Variants in SHANK2 observed in about 807,000 individuals in gnomAD.
SHANK2 encodes the protein SH3 and multiple ankyrin repeat domains protein 2.
SHANK2 carries 43 observed loss-of-function variants against 133.7 expected under a neutral mutation model. That is an observed-to-expected ratio of 0.32 (90% CI 0.25 to 0.41). SHANK2 has a LOEUF of 0.41. Among genes scored for constraint, SHANK2 ranks in the 10% least tolerant of loss-of-function variants. SHANK2 has a pLI of 1.00. For missense variants in SHANK2, 1,994 were observed against 2,235.8 expected, an observed-to-expected ratio of 0.89 and a Z score of 2.18; for synonymous variants, 1,017 against 952.8, an observed-to-expected ratio of 1.07 and a Z score of -1.24.
At chr11:70,745,273 G>A (rs2134843287) in intron 14 of SHANK2, among the ~76,000 whole-genome samples, 1 of 152,308 alleles carries the variant, frequency 6.6e-6, no homozygotes, top group African/African-American at 2.4e-5. Flanking sequence ...GTAAGTAGCA[G>A]GGCCTGGCTG....
chr11:71,103,690 G>A (rs2135178552), intron 6 of SHANK2, among the ~76,000 whole-genome samples: 1 of 152,236 alleles, frequency 6.6e-6, no homozygotes, highest in African/African-American at 2.4e-5. Context: ...TTGGAGGTGG[G>A]GCCTGGTGGG....
intron 10 of SHANK2, among the ~76,000 whole-genome samples, chr11:70,937,932 G>A (rs1468695321): frequency 1.3e-5 from 2 of 152,044 alleles, no homozygotes; most frequent in African/African-American, 4.8e-5. Context: ...TGTGTGTGTG[G>A]ATGCCTGTGT....
At chr11:71,152,086 G>A (rs1411647171) in intron 2 of SHANK2, among the ~76,000 whole-genome samples, 1 of 150,122 alleles carries the variant, frequency 6.7e-6, no homozygotes, top group Non-Finnish European at 1.5e-5. Flanking sequence ...CAAAAAAAAC[G>A]TGAAATTTAT....
In SHANK2 at chr11:70,492,179, C is replaced by T. The variant is rs34373882; in HGVS notation, c.2439+156G>A. Among the ~76,000 whole-genome samples the T allele has an allele frequency of 0.26, 39,104 of 152,160 alleles. 5,277 individuals carry two copies. The highest frequency in any genetic ancestry group is 0.33 in the African/African-American group (13,677 of 41,506). ...CCACCACTGTGAGTCTGCACAGACC[C>T]GGCTCTTTGTCCTGTGGCCACTTAG... On this transcript the variant is annotated intron_variant, in intron 22 of 25. Transcript: ENST00000601538.
intron 17 of SHANK2, among the ~76,000 whole-genome samples, chr11:70,592,572 C>T (rs990540803): frequency 4.6e-5 from 7 of 150,868 alleles, no homozygotes; most frequent in Non-Finnish European, 8.9e-5. Flanking sequence ...CTGCCCAAGG[C>T]GGGTCTTGGG....
chr11:71,092,762 C>T (rs947250967), intron 7 of SHANK2, among the ~76,000 whole-genome samples, 173 bp from the exon 8 acceptor site: 1 of 152,108 alleles, frequency 6.6e-6, no homozygotes, highest in Non-Finnish European at 1.5e-5. Flanking sequence ...ATAACCTGGC[C>T]GGGTGTGGTG....
At chr11:70,527,612 C>T (rs113888364) in intron 17 of SHANK2, among the ~76,000 whole-genome samples, 1 of 152,220 alleles carries the variant, frequency 6.6e-6, no homozygotes, top group Non-Finnish European at 1.5e-5. Flanking sequence ...AGAGGCGCCT[C>T]CTCCCTGGAG....
intron 17 of SHANK2, among the ~76,000 whole-genome samples, chr11:70,600,248 G>C (rs1320848370): frequency 6.6e-6 from 1 of 151,738 alleles, no homozygotes; most frequent in African/African-American, 2.4e-5. Context: ...GCGAAACCCT[G>C]TCTCTACTAA....
At chr11:70,704,153 A>G (rs1383963449) in intron 14 of SHANK2, among the ~76,000 whole-genome samples, 2 of 152,250 alleles carry the variant, frequency 1.3e-5, no homozygotes, top group African/African-American at 4.8e-5. Context: ...AGAGACAGAG[A>G]GACCCAGAGA....
At chr11:70,827,193 T>C (rs552999204) in intron 11 of SHANK2, among the ~76,000 whole-genome samples, 1 of 151,394 alleles carries the variant, frequency 6.6e-6, no homozygotes, top group South Asian at 2.1e-4. Flanking sequence ...CAAGTGCCCA[T>C]GACTTCTCTG....
At chr11:70,881,784 C>T (rs1374328728) in intron 11 of SHANK2, among the ~76,000 whole-genome samples, 1 of 151,228 alleles carries the variant, frequency 6.6e-6, no homozygotes, top group East Asian at 1.9e-4. Context: ...GGCTACAGTG[C>T]CGTGGCCCCA....
chr11:70,632,439 G>A (rs1197052534), intron 17 of SHANK2, among the ~76,000 whole-genome samples: 1 of 152,010 alleles, frequency 6.6e-6, no homozygotes, highest in South Asian at 2.1e-4. Context: ...GTTCCATCAC[G>A]GGCCCCGAAC....
At chr11:70,744,176 C>A (rs192697612) in intron 14 of SHANK2, among the ~76,000 whole-genome samples, 1 of 152,248 alleles carries the variant, frequency 6.6e-6, no homozygotes, top group Admixed American at 6.5e-5. Context: ...GCCACATTCA[C>A]GCACCTGGCA....
intron 17 of SHANK2, among the ~76,000 whole-genome samples, chr11:70,513,731 C>G (rs1343421209): frequency 3.3e-5 from 5 of 152,300 alleles, no homozygotes; most frequent in African/African-American, 1.2e-4. Flanking sequence ...GTTAGAAATG[C>G]ATCAGCTGGG....
chr11:70,955,569 G>C (rs1052637521), intron 10 of SHANK2, among the ~76,000 whole-genome samples: 32 of 152,158 alleles, frequency 2.1e-4, no homozygotes, highest in Admixed American at 2.0e-3. Context: ...GTGTACACAT[G>C]CAAAGAGATT....
chr11:70,785,422 C>A (rs1947627363), intron 14 of SHANK2, among the ~76,000 whole-genome samples: 1 of 152,198 alleles, frequency 6.6e-6, no homozygotes, highest in African/African-American at 2.4e-5. Flanking sequence ...TGGCCCATCC[C>A]CTTACCTAAC....
chr11:70,605,494 G>C (rs1053317467), intron 17 of SHANK2, among the ~76,000 whole-genome samples: 2 of 152,242 alleles, frequency 1.3e-5, no homozygotes, highest in Non-Finnish European at 2.9e-5. Context: ...ACCCTCCAGC[G>C]ATTAGCACGC....
At chr11:70,580,683 C>T (rs1421240135) in intron 17 of SHANK2, among the ~76,000 whole-genome samples, 3 of 152,268 alleles carry the variant, frequency 2.0e-5, no homozygotes, top group Non-Finnish European at 4.4e-5. Context: ...CTTCCTCCCA[C>T]TCTTCAGGCC....
intron 3 of SHANK2, among the ~76,000 whole-genome samples, chr11:71,127,017 G>A (rs1273273250): frequency 3.3e-5 from 5 of 152,150 alleles, no homozygotes; most frequent in African/African-American, 7.2e-5. Context: ...GAATATTCAC[G>A]ATTCATAAGT....
Sources: gnomAD v4.1 joint callset for allele counts (sites outside exome capture counted in the v4.1 genomes callset) on GRCh38, gnomAD v4.1.1 for gene constraint, MANE v1.5 for transcripts, NCBI Gene and HGNC (gene_info 2026-07-23, HGNC 2026-07-21) for gene names.